ADAMTS13: variants seen among roughly 807,000 people sequenced by gnomAD.
ADAMTS13 encodes A disintegrin and metalloproteinase with thrombospondin motifs 13.
Under a neutral mutation model 155.1 loss-of-function variants are expected in ADAMTS13, and 110 were observed. The ratio of observed to expected loss-of-function variants is 0.71; its 90% CI spans 0.61 to 0.83. ADAMTS13 has a LOEUF of 0.83. Ranked by LOEUF, ADAMTS13 falls within the 40% of genes least tolerant of loss-of-function variation. The pLI is 0.00. For missense variants in ADAMTS13, 1,707 were observed against 1,891.7 expected (o/e 0.90, Z 1.81); for synonymous variants, 758 against 756.4 (o/e 1.00, Z -0.03).
Position 133,448,748 on chromosome 9 carries a change from CTG to C in ADAMTS13, c.2861+25_2861+26del, listed in dbSNP as rs1564436491. 4 of 1,597,760 alleles carry C rather than the reference CTG, an allele frequency of 2.5e-6. No homozygotes were observed. Among genetic ancestry groups the C allele is most frequent in the East Asian group, 4.5e-5 (2 of 44,834 alleles). On this transcript the variant is annotated intron_variant, in intron 22 of 28. Transcript: ENST00000355699. The stretch of plus-strand genomic sequence containing the variant: ...TGCTCGGTGAGTGAGGGGAGCAAGA[CTG>C]TGTGCTGGCCTTCTCCCTGTAAGTG...
At position 133,429,973 on chromosome 9, in the gene ADAMTS13, C is replaced by A; in HGVS notation, c.859C>A (p.Arg287=). 1.3e-6 allele frequency: 2 copies of A among 1,544,686 alleles called. No homozygotes were observed. The highest frequency in any genetic ancestry group is 1.7e-6 in the Non-Finnish European group (2 of 1,149,734). The change falls in exon 8 of 29, where the codon CGG becomes AGG. Residue 287 remains arginine, a synonymous_variant. Transcript: ENST00000355699. ...GGCGCGCTGCGTGTGGGACCCGCCGCGGCCTCAACCCGGGTCCGCGGGGCA... is the reference window on the plus strand; with the variant it reads ...GGCGCGCTGCGTGTGGGACCCGCCGAGGCCTCAACCCGGGTCCGCGGGGCA... ...GRARCVWDPP[R]PQPGSAGHPP...
rs1588207858 is a variant in ADAMTS13 at position 133,455,274 on chromosome 9, T to C, written c.3250-11T>C. 1 of 1,600,786 alleles carries C rather than the reference T, an allele frequency of 6.2e-7. No homozygotes were observed. ...GGGTCAGCTGTGACTCCTCCTCCCCTCTCTTGGCAGTGCTCTGTTTCCTGT... is the reference window on the plus strand; with the variant it reads ...GGGTCAGCTGTGACTCCTCCTCCCCCCTCTTGGCAGTGCTCTGTTTCCTGT... On this transcript the variant is annotated splice_polypyrimidine_tract_variant and intron_variant, in intron 24 of 28. Coordinates refer to ENST00000355699, the MANE Select transcript of ADAMTS13 (RefSeq NM_139027.6).
rs1011497194 is a variant in ADAMTS13, at chr9:133,444,876, G to C, written c.2434G>C (p.Glu812Gln). 2 of 1,612,916 alleles carry C rather than the reference G, an allele frequency of 1.2e-6. No homozygotes were observed. The highest frequency in any genetic ancestry group is 2.7e-5 in the African/African-American group (2 of 74,942). The change falls in exon 20 of 29, where the codon GAG (glutamate) becomes CAG (glutamine). Residue 812 changes from glutamate (E) to glutamine (Q), a missense_variant. Physicochemically the swap from Glu to Gln is conservative, Grantham distance 29. Around this residue, in one of 3 missense-constraint regions of ADAMTS13, gnomAD observed 961 missense variants for 1,107.9 expected, o/e 0.87. Coordinates refer to ENST00000355699, the MANE Select transcript of ADAMTS13 (RefSeq NM_139027.6). ...TGCCATCCTCAGGTGGGAGGTGTCA[G>C]AGCCCAGCTCATGCACATCAGCTGG... ...QPCPARWEVS[E>Q]PSSCTSAGGA...
chr9:133,418,436 A>T (rs115550301), upstream of ADAMTS13, among the ~76,000 whole-genome samples: 1,728 of 152,272 alleles, frequency 0.011, 43 homozygotes, highest in African/African-American at 0.039. Flanking sequence ...AGGCCCAGGC[A>T]CCGGGAGGAG....
intron 1 of ADAMTS13, chr9:133,415,116 A>C (rs1839498088): frequency 2.4e-6 from 2 of 843,080 alleles, no homozygotes; most frequent in Admixed American, 2.7e-5. Flanking sequence ...TACACCAAAC[A>C]CATCTATACA....
At chr9:133,448,817 G>A (rs1363111377) in intron 22 of ADAMTS13, 89 bp downstream of exon 22, 1 of 1,530,612 alleles carries the variant, frequency 6.5e-7, no homozygotes, top group Admixed American at 1.9e-5. Context: ...ACCTGCGGAG[G>A]GGGGCAGGTG....
chr9:133,428,504 C>A, intron 6 of ADAMTS13, 130 bp from the exon 7 acceptor site: 1 of 474,726 alleles, frequency 2.1e-6, no homozygotes, highest in Non-Finnish European at 3.1e-6. Context: ...GGGGTCGACC[C>A]GGGTCGGAAA....
Position 133,441,271 on chromosome 9 carries a change from C to T in ADAMTS13, c.1968+746C>T, listed in dbSNP as rs1588179921. 6.6e-6 allele frequency among the ~76,000 whole-genome samples: 1 copy of T among 152,120 alleles called. No individual in the cohort carries two copies. The highest frequency in any genetic ancestry group is 1.5e-5 in the Non-Finnish European group (1 of 68,016). On this transcript the variant is annotated intron_variant, in intron 16 of 28. Transcript: ENST00000355699. The surrounding 1 kb of genome is among the most constrained non-coding windows in gnomAD (Gnocchi z 5.0). ...CCTACAGCAGCCAGAGACAGGAGGGCCTCCCACAGATCAGGCCAGGCCGGG... is the reference window on the plus strand; with the variant it reads ...CCTACAGCAGCCAGAGACAGGAGGGTCTCCCACAGATCAGGCCAGGCCGGG...
At chr9:133,421,755 C>G (rs190858293), upstream of ADAMTS13, among the ~76,000 whole-genome samples, 121 of 152,206 alleles carry the variant, frequency 7.9e-4, no homozygotes, top group African/African-American at 2.4e-3. Flanking sequence ...CCTCCCTGAT[C>G]GCAGAGGAGG....
At position 133,440,301 on chromosome 9, in the gene ADAMTS13, G is replaced by A; in HGVS notation, c.1787-43G>A. ...CTGACATGTGCCTGTGAGGAGGATG[G>A]GTGCTCAGCTCCACACAGCTAACAG... On this transcript the variant is annotated intron_variant, in intron 15 of 28. Transcript: ENST00000355699. The surrounding 1 kb of genome is among the most constrained non-coding windows in gnomAD (Gnocchi z 4.3). The A allele has an allele frequency of 6.2e-7, 1 of 1,612,266 alleles. No individual in the cohort carries two copies. The highest frequency in any genetic ancestry group is 8.5e-7 in the Non-Finnish European group (1 of 1,179,334).
At chr9:133,416,600 G>A (rs1839621622) in intron 1 of ADAMTS13, among the ~76,000 whole-genome samples, 1 of 152,198 alleles carries the variant, frequency 6.6e-6, no homozygotes, top group African/African-American at 2.4e-5. Flanking sequence ...GATGTGGTAA[G>A]AATGTATGAG....
At chr9:133,458,939 T>TG in intron 28 of ADAMTS13, 35 bp from the exon 29 acceptor site, 1 of 1,585,656 alleles carries the variant, frequency 6.3e-7, no homozygotes, top group Non-Finnish European at 8.6e-7. Flanking sequence ...TTATTACTTG[T>TG]GGCCGGTCCT....
chr9:133,445,785 T>C lies in ADAMTS13; in HGVS notation c.2697T>C (p.Pro899=). The C allele has an allele frequency of 1.3e-6, 2 of 1,597,722 alleles. No homozygotes were observed. Among genetic ancestry groups the C allele is most frequent in the Non-Finnish European group, 8.6e-7 (1 of 1,168,074 alleles). The change falls in exon 21 of 29, where the codon CCT becomes CCC. Residue 899 remains proline, a synonymous_variant. Coordinates refer to ENST00000355699, the MANE Select transcript of ADAMTS13 (RefSeq NM_139027.6). This position sits in a 1 kb window ranked among gnomAD's most constrained non-coding sequence, Gnocchi z 5.0. ...CTCAAGCTGCACACGTGTGGACCCC[T>C]GCGGCAGGGTCGTGCTCCGTCTCCT... The part of the protein sequence containing the change: ...TGAQAAHVWT[P]AAGSCSVSCG...
rs1564449455 is a variant in ADAMTS13 at position 133,459,229 on chromosome 9, C to G, written c.*49C>G. On this transcript the variant is annotated 3_prime_UTR_variant, in exon 29 of 29. Transcript: ENST00000355699. ...GTCTGGCCAGCCCTGGAGGGTTGACCCCTGGTCTCAGTGCTTTCCAATTCG... is the reference window on the plus strand; with the variant it reads ...GTCTGGCCAGCCCTGGAGGGTTGACGCCTGGTCTCAGTGCTTTCCAATTCG... 6.5e-7 allele frequency: 1 copy of G among 1,537,320 alleles called. No homozygotes were observed. Among genetic ancestry groups the G allele is most frequent in the Admixed American group, 1.9e-5 (1 of 52,986 alleles).
At chr9:133,428,594 C>T (rs1840445664) in intron 6 of ADAMTS13, 40 bp from the exon 7 acceptor site, 1 of 1,146,534 alleles carries the variant, frequency 8.7e-7, no homozygotes, top group Non-Finnish European at 1.1e-6. Flanking sequence ...GCCCCCGCCC[C>T]TGCCGGCCGC....
chr9:133,441,836 C>T lies in ADAMTS13; in HGVS notation c.1969-563C>T, dbSNP rs1841693085. On this transcript the variant is annotated intron_variant, in intron 16 of 28. Transcript: ENST00000355699. The surrounding 1 kb of genome is among the most constrained non-coding windows in gnomAD (Gnocchi z 5.0). ...TCAGCTCTGGCTCCAGAAGCACTTT[C>T]TGTGCTGGCCCTGCCCTAGCCCTTC... Among the ~76,000 whole-genome samples, 1 of 152,236 alleles carries T rather than the reference C, an allele frequency of 6.6e-6. No homozygotes were observed. Among genetic ancestry groups the T allele is most frequent in the African/African-American group, 2.4e-5 (1 of 41,456 alleles).
chr9:133,414,993 A>AT (rs1839486523), intron 1 of ADAMTS13: 1 of 1,582,344 alleles, frequency 6.3e-7, no homozygotes, highest in Admixed American at 2.0e-5. Flanking sequence ...GGGGCCTGAG[A>AT]TTTTTGTTTC....
Position 133,445,650 on chromosome 9 carries a change from G to A in ADAMTS13, c.2611-49G>A. 1 of 1,611,970 alleles carries A rather than the reference G, an allele frequency of 6.2e-7. No homozygotes were observed. Among genetic ancestry groups the A allele is most frequent in the South Asian group, 1.1e-5 (1 of 91,006 alleles). On this transcript the variant is annotated intron_variant, in intron 20 of 28. Coordinates refer to ENST00000355699, the MANE Select transcript of ADAMTS13 (RefSeq NM_139027.6). The surrounding 1 kb of genome is among the most constrained non-coding windows in gnomAD (Gnocchi z 5.0). ...GAGAAGATCGAGACGGGGATCGCTG[G>A]GTCCTCAGAGGAGGCCCAGACCCAC... is the stretch of plus-strand genomic sequence containing the variant.
At chr9:133,422,298 C>T (rs1036507778), upstream of ADAMTS13, 13 of 787,610 alleles carry the variant, frequency 1.7e-5, no homozygotes, top group Admixed American at 2.1e-4. Context: ...ACGGCCCCTG[C>T]CCTGGCAGGA....
Sources: gnomAD v4.1 joint callset for allele counts (sites outside exome capture counted in the v4.1 genomes callset) on GRCh38, gnomAD v4.1.1 for gene constraint, gnomAD v4.1.1 regional missense constraint, Gnocchi (gnomAD v3.1) non-coding constraint, MANE v1.5 for transcripts, NCBI Gene and HGNC (gene_info 2026-07-23, HGNC 2026-07-21) for gene names.